ASCC3: variants seen among roughly 807,000 people sequenced by gnomAD.
The protein encoded by ASCC3 is activating signal cointegrator 1 complex subunit 3.
In ASCC3, 158 loss-of-function variants were observed where a neutral mutation model predicts 256.3. That is an observed-to-expected ratio of 0.62 (90% CI 0.54 to 0.70). ASCC3 has a LOEUF of 0.70. Among genes scored for constraint, ASCC3 ranks in the 30% least tolerant of loss-of-function variants. ASCC3 has a pLI of 0.00. For missense variants in ASCC3, 2,259 were observed against 2,626.0 expected, an observed-to-expected ratio of 0.86 and a Z score of 3.05; for synonymous variants, 948 against 883.4, an observed-to-expected ratio of 1.07 and a Z score of -1.30.
intron 37 of ASCC3, among the ~76,000 whole-genome samples, chr6:100,538,232 A>G (rs1775266488): frequency 6.6e-6 from 1 of 152,158 alleles, no homozygotes; most frequent in South Asian, 2.1e-4. Flanking sequence ...TGAGAGAGGA[A>G]AGGAAGTTAT....
intron 10 of ASCC3, among the ~76,000 whole-genome samples, chr6:100,745,722 G>A (rs1459009960): frequency 2.0e-5 from 3 of 152,140 alleles, no homozygotes; most frequent in African/African-American, 7.2e-5. Context: ...AATTGCAAAT[G>A]AGGAAAATAA....
At chr6:100,731,810 T>C (rs9689068) in intron 10 of ASCC3, among the ~76,000 whole-genome samples, 7,286 of 152,326 alleles carry the variant, frequency 0.048, 199 homozygotes, top group African/African-American at 0.059. Flanking sequence ...TCTTACCTGC[T>C]ACATTTGTAA....
rs996273237 is a variant in ASCC3, at chr6:100,638,765, C to T, written c.3958G>A (p.Ala1320Thr). The T allele has an allele frequency of 1.2e-6, 2 of 1,613,936 alleles. No individual in the cohort carries two copies. The highest frequency in any genetic ancestry group is 2.7e-5 in the African/African-American group (2 of 74,894). ...TTAAAGTGGCTGAAGTTGTACAGGG[C>T]TTCATATGCTTTACATCCCAAAGCT... Reference protein sequence around the residue: ...ITALGCKAYEALYNFSHFNPV... With the variant: ...ITALGCKAYETLYNFSHFNPV... The change falls in exon 25 of 42, where the codon GCC (alanine) becomes ACC (threonine). Residue 1320 changes from alanine to threonine, a missense_variant. Transcript: ENST00000369162.
intron 10 of ASCC3, among the ~76,000 whole-genome samples, chr6:100,758,092 T>C (rs117944723): frequency 0.016 from 2,402 of 152,118 alleles, 31 homozygotes; most frequent in Non-Finnish European, 0.023. Flanking sequence ...CCCTCTGATA[T>C]CATAATACTC....
intron 4 of ASCC3, among the ~76,000 whole-genome samples, chr6:100,828,850 A>T (rs1220206800): frequency 2.0e-5 from 3 of 152,078 alleles, no homozygotes; most frequent in Admixed American, 2.0e-4. Context: ...GGACCCAAGC[A>T]GGTTGCCACT....
At chr6:100,561,566 T>C (rs1476793065) in intron 36 of ASCC3, among the ~76,000 whole-genome samples, 1 of 152,152 alleles carries the variant, frequency 6.6e-6, no homozygotes, top group East Asian at 1.9e-4. Context: ...TCCCTGATTT[T>C]AGCTGCATTC....
intron 40 of ASCC3, 40 bp from the exon 41 acceptor site, chr6:100,510,147 A>C: frequency 1.9e-6 from 3 of 1,609,008 alleles, no homozygotes; most frequent in Non-Finnish European, 2.6e-6. Context: ...AAAAATATCT[A>C]GACTTCCTAT....
chr6:100,871,387 C>A (rs2114563777), intron 1 of ASCC3, among the ~76,000 whole-genome samples: 1 of 152,240 alleles, frequency 6.6e-6, no homozygotes, highest in Admixed American at 6.5e-5. Context: ...AGCCACCATG[C>A]CTAGCCAATG....
chr6:100,533,183 G>T (rs1310418418), intron 37 of ASCC3, among the ~76,000 whole-genome samples: 4 of 151,684 alleles, frequency 2.6e-5, no homozygotes, highest in Admixed American at 6.6e-5. Context: ...TAGTGCCTTG[G>T]ATTTTATATA....
intron 10 of ASCC3, among the ~76,000 whole-genome samples, chr6:100,746,809 C>A (rs1270288081): frequency 6.6e-6 from 1 of 152,024 alleles, no homozygotes; most frequent in African/African-American, 2.4e-5. Context: ...GTTATAAAAT[C>A]ATGAGTATGG....
chr6:100,743,269 A>C (rs117062533), intron 10 of ASCC3, among the ~76,000 whole-genome samples: 3 of 152,262 alleles, frequency 2.0e-5, no homozygotes, highest in East Asian at 3.9e-4. Flanking sequence ...TTGTTTGCCT[A>C]ATCAGTCACA....
At chr6:100,536,375 T>C (rs1433199652) in intron 37 of ASCC3, among the ~76,000 whole-genome samples, 2 of 152,208 alleles carry the variant, frequency 1.3e-5, no homozygotes, top group East Asian at 3.8e-4. Flanking sequence ...TAAATGGACA[T>C]GCAAATAAAT....
At chr6:100,551,598 C>G (rs1230282193) in intron 36 of ASCC3, among the ~76,000 whole-genome samples, 1 of 151,810 alleles carries the variant, frequency 6.6e-6, no homozygotes, top group Admixed American at 6.6e-5. Context: ...GAGTCATAAT[C>G]CAAAAGTGTC....
chr6:100,536,289 C>T (rs1340815488), intron 37 of ASCC3, among the ~76,000 whole-genome samples: 1 of 152,096 alleles, frequency 6.6e-6, no homozygotes, highest in East Asian at 1.9e-4. Context: ...TAAGTGAACC[C>T]TTTGGTCTTA....
rs191560416 is a variant in ASCC3 at position 100,564,278 on chromosome 6, C to A, written c.5551-23891G>T. On this transcript the variant is annotated intron_variant, in intron 36 of 41. Transcript: ENST00000369162. ...GATAAATTCTTGTTAATAATAGTCA[C>A]TCTACTGAGCTACTGAACACTAGAA... Among the ~76,000 whole-genome samples the A allele has an allele frequency of 1.9e-3, 295 of 152,022 alleles. 1 individual carries two copies. Among genetic ancestry groups the A allele is most frequent in the African/African-American group, 6.2e-3 (257 of 41,464 alleles).
chr6:100,743,879 T>A (rs1306538596), intron 10 of ASCC3, among the ~76,000 whole-genome samples: 1 of 152,214 alleles, frequency 6.6e-6, no homozygotes, highest in Non-Finnish European at 1.5e-5. Flanking sequence ...CACAAATCTT[T>A]AAAATAATGC....
intron 12 of ASCC3, among the ~76,000 whole-genome samples, chr6:100,717,171 A>G (rs10872623): frequency 0.52 from 78,222 of 151,632 alleles, 20,447 homozygotes; most frequent in South Asian, 0.63. Flanking sequence ...CAGTTACAGG[A>G]CATTAACTGT....
chr6:100,651,529 T>C (rs371772051), intron 19 of ASCC3, 31 bp downstream of exon 19: 3 of 1,351,014 alleles, frequency 2.2e-6, no homozygotes, highest in Non-Finnish European at 1.0e-6. Flanking sequence ...ACATGTTGTA[T>C]GCATTTGATT....
At position 100,520,434 on chromosome 6, in the gene ASCC3, CT is replaced by C. The variant is rs569468513; in HGVS notation, c.5776-2293del. On this transcript the variant is annotated intron_variant, in intron 37 of 41. Coordinates refer to ENST00000369162, the MANE Select transcript of ASCC3 (RefSeq NM_006828.4). ...ATGTTTCCTTCTTCTCCTTCTTCTT[CT>C]TTTTTTTTTTTCTTTTTTTAAACAA... 7.2e-3 allele frequency among the ~76,000 whole-genome samples: 1,042 copies of C among 144,338 alleles called. 12 individuals are homozygous for C. Among genetic ancestry groups the C allele is most frequent in the African/African-American group, 0.023 (908 of 38,978 alleles). The allele number at this position is 144,338 out of a possible 152,430, so 94.7% of individuals were successfully genotyped here. A position where few individuals can be genotyped will look rare whatever the true frequency, so the allele number is the denominator to read the frequency against.
Sources: gnomAD v4.1 joint callset for allele counts (sites outside exome capture counted in the v4.1 genomes callset) on GRCh38, gnomAD v4.1.1 for gene constraint, MANE v1.5 for transcripts, NCBI Gene and HGNC (gene_info 2026-07-23, HGNC 2026-07-21) for gene names.